Variants in RAB30 observed in about 807,000 individuals in gnomAD.
RAB30 encodes RAB30, member RAS oncogene family.
RAB30 carries 9 observed loss-of-function variants against 25.1 expected under a neutral mutation model. The ratio of observed to expected loss-of-function variants is 0.36; its 90% CI spans 0.22 to 0.63. The LOEUF (loss-of-function observed/expected upper bound fraction) is 0.63, where lower values mean the gene tolerates loss of function less well. RAB30 is among the 20% of genes least tolerant of loss of function. The pLI is 0.69. For synonymous variants in RAB30, 77 were observed against 86.4 expected (o/e 0.89, Z 0.60); for missense variants, 140 against 243.5 (o/e 0.58, Z 2.83).
chr11:83,032,877 C>T (rs894292603), intron 1 of RAB30, among the ~76,000 whole-genome samples: 4 of 151,882 alleles, frequency 2.6e-5, no homozygotes, highest in Non-Finnish European at 5.9e-5. Flanking sequence ...ATTAAAATGA[C>T]TTTCTCATAA....
At chr11:83,057,596 G>T (rs58861830) in intron 1 of RAB30, among the ~76,000 whole-genome samples, 7,867 of 152,172 alleles carry the variant, frequency 0.052, 293 homozygotes, top group East Asian at 0.11. Flanking sequence ...GGGAAGAAAA[G>T]GTAAGAGATA....
chr11:82,996,161 A>G lies in RAB30; in HGVS notation c.93+1063T>C, dbSNP rs1856953483. Among the ~76,000 whole-genome samples the G allele has an allele frequency of 2.6e-5, 4 of 152,316 alleles. No homozygotes were observed. The South Asian group carries it at 8.3e-4, about 32-fold the overall frequency. Reference sequence around the variant, plus strand: ...ATGGGTTCTATTCACTTATCATGGGAAAAACCCTGACATTTCCAAAGTGAC... The same window carrying G: ...ATGGGTTCTATTCACTTATCATGGGGAAAACCCTGACATTTCCAAAGTGAC... On this transcript the variant is annotated intron_variant, in intron 2 of 4. Coordinates refer to ENST00000527633, the MANE Select transcript of RAB30 (RefSeq NM_001286060.2).
chr11:82,988,453 T>C (rs186134721), intron 3 of RAB30, among the ~76,000 whole-genome samples: 167 of 152,338 alleles, frequency 1.1e-3, no homozygotes, highest in Middle Eastern at 3.4e-3. Flanking sequence ...AATCATGCCA[T>C]GGCAGACAAC....
At chr11:82,988,104 C>T (rs1856777103) in intron 3 of RAB30, among the ~76,000 whole-genome samples, 1 of 152,048 alleles carries the variant, frequency 6.6e-6, no homozygotes, top group South Asian at 2.1e-4. Context: ...CTATTCTAAG[C>T]ATTTTACCTG....
intron 1 of RAB30, among the ~76,000 whole-genome samples, chr11:83,005,366 G>A (rs546147306): frequency 2.2e-4 from 34 of 152,276 alleles, no homozygotes; most frequent in African/African-American, 6.5e-4. Context: ...TGCTAGGAAC[G>A]GTGCTAAATG....
intron 1 of RAB30, among the ~76,000 whole-genome samples, chr11:83,043,705 A>G (rs572721506): frequency 6.6e-6 from 1 of 152,326 alleles, no homozygotes; most frequent in South Asian, 2.1e-4. Flanking sequence ...GCAATTGGTA[A>G]ACCTAAGTAA....
At chr11:83,010,287 C>A (rs889297547) in intron 1 of RAB30, among the ~76,000 whole-genome samples, 1 of 152,054 alleles carries the variant, frequency 6.6e-6, no homozygotes, top group Non-Finnish European at 1.5e-5. Context: ...CCAACCTCTA[C>A]AAGAAATTTA....
intron 1 of RAB30, among the ~76,000 whole-genome samples, chr11:83,056,906 C>T (rs1482280947): frequency 6.6e-6 from 1 of 152,170 alleles, no homozygotes; most frequent in Admixed American, 6.5e-5. Context: ...TACTTGCAAA[C>T]ATGCCATTTT....
At chr11:83,063,847 C>T (rs759316053) in intron 1 of RAB30, among the ~76,000 whole-genome samples, 20 of 152,216 alleles carry the variant, frequency 1.3e-4, no homozygotes, top group Non-Finnish European at 2.1e-4. Flanking sequence ...CAAAGGCTCA[C>T]TGTAGCACAG....
In RAB30 at chr11:83,068,685, C is replaced by T. The variant is rs530267884; in HGVS notation, c.-9+3006G>A. On this transcript the variant is annotated intron_variant, in intron 1 of 4. Coordinates refer to ENST00000527633, the MANE Select transcript of RAB30 (RefSeq NM_001286060.2). ...TCAAATCCTCAGGTTCACCACTCTTCCCTTTGAACTTTGAACATGAAGTTC... is the reference window on the plus strand; with the variant it reads ...TCAAATCCTCAGGTTCACCACTCTTTCCTTTGAACTTTGAACATGAAGTTC... 1.2e-4 allele frequency among the ~76,000 whole-genome samples: 18 copies of T among 152,320 alleles called. No homozygotes were observed. The South Asian group carries it at 3.7e-3, about 32-fold the overall frequency.
intron 4 of RAB30, among the ~76,000 whole-genome samples, chr11:82,985,226 AAGT>A (rs1856718614): frequency 6.6e-6 from 1 of 152,112 alleles, no homozygotes. Context: ...CAGCCTCCCA[AAGT>A]GTTGGGATTA....
In RAB30 at chr11:83,067,724, G is replaced by T. The variant is rs569426645; in HGVS notation, c.-9+3967C>A. Reference sequence around the variant, plus strand: ...AAGTTAGTGTCGGCCGGGCATGGTGGCTCATGCTTGTAATCCCAGAACTTT... The same window carrying T: ...AAGTTAGTGTCGGCCGGGCATGGTGTCTCATGCTTGTAATCCCAGAACTTT... On this transcript the variant is annotated intron_variant, in intron 1 of 4. Coordinates refer to ENST00000527633, the MANE Select transcript of RAB30 (RefSeq NM_001286060.2). Among the ~76,000 whole-genome samples the T allele has an allele frequency of 1.2e-4, 19 of 152,298 alleles. No homozygotes were observed. In the South Asian group the frequency reaches 3.9e-3, roughly 32 times the overall value.
chr11:83,035,735 T>A (rs978984429), intron 1 of RAB30: 1 of 152,276 alleles, frequency 6.6e-6, no homozygotes, highest in African/African-American at 2.4e-5. Flanking sequence ...TGTTCAGCTC[T>A]CCAGTGAAGG....
chr11:83,010,321 T>C (rs1857276857), intron 1 of RAB30, among the ~76,000 whole-genome samples: 1 of 152,064 alleles, frequency 6.6e-6, no homozygotes, highest in Admixed American at 6.6e-5. Context: ...TGTGGTGTCA[T>C]ATGTCTATGC....
intron 1 of RAB30, among the ~76,000 whole-genome samples, chr11:83,044,646 ATATTGCCAGGTACTC>A (rs1289183076): frequency 6.6e-6 from 1 of 152,184 alleles, no homozygotes; most frequent in Non-Finnish European, 1.5e-5. Context: ...AGAGAAGAAA[ATATTGCCAGGTACTC>A]TACATTTAAT....
At chr11:83,034,641 G>A (rs1857948834) in intron 1 of RAB30, 1 of 152,188 alleles carries the variant, frequency 6.6e-6, no homozygotes. Context: ...TACAAGGCTA[G>A]TGAGGAATCT....
chr11:83,011,709 TTACATTTCTCA>T (rs1419512317), intron 1 of RAB30, among the ~76,000 whole-genome samples: 1 of 152,206 alleles, frequency 6.6e-6, no homozygotes, highest in East Asian at 1.9e-4. Context: ...TTAACTTTCT[TTACATTTCTCA>T]TACCCTTACT....
At chr11:83,008,258 G>C (rs1173168030) in intron 1 of RAB30, among the ~76,000 whole-genome samples, 2 of 152,196 alleles carry the variant, frequency 1.3e-5, no homozygotes, top group Non-Finnish European at 2.9e-5. Flanking sequence ...ACCAGGAACA[G>C]AGATGTCTTC....
At chr11:83,004,445 G>A (rs1857146002) in intron 1 of RAB30, among the ~76,000 whole-genome samples, 1 of 152,136 alleles carries the variant, frequency 6.6e-6, no homozygotes, top group Non-Finnish European at 1.5e-5. Context: ...AGAAATAGAG[G>A]CCCTAGGCAT....
Sources: gnomAD v4.1 joint callset for allele counts (sites outside exome capture counted in the v4.1 genomes callset) on GRCh38, gnomAD v4.1.1 for gene constraint, MANE v1.5 for transcripts, NCBI Gene and HGNC (gene_info 2026-07-23, HGNC 2026-07-21) for gene names.